Variants in KCTD15 observed in about 807,000 individuals in gnomAD.
KCTD15 encodes BTB/POZ domain-containing protein KCTD15.
A neutral mutation model predicts 27.2 loss-of-function variants in KCTD15; 11 were observed. The ratio of observed to expected loss-of-function variants is 0.41; its 90% CI spans 0.25 to 0.67. KCTD15 has a LOEUF of 0.67. KCTD15 is among the 30% of genes least tolerant of loss of function. The pLI is 0.35. For synonymous variants in KCTD15, 163 were observed against 176.0 expected (o/e 0.93, Z 0.58); for missense variants, 350 against 409.3 (o/e 0.86, Z 1.25).
chr19:33,794,180 G>C (rs375321748), upstream of KCTD15, among the ~76,000 whole-genome samples: 5 of 152,204 alleles, frequency 3.3e-5, no homozygotes, highest in African/African-American at 1.2e-4. Context: ...ATGACACTTA[G>C]TAGCTCTGTA....
intron 1 of KCTD15, chr19:33,797,429 C>A: frequency 2.2e-6 from 1 of 454,176 alleles, no homozygotes; most frequent in South Asian, 1.6e-5. Context: ...CGGCTTGGCG[C>A]CCAAAATCAG....
intron 5 of KCTD15, 93 bp from the exon 6 acceptor site, chr19:33,811,154 T>C: frequency 9.2e-7 from 1 of 1,084,640 alleles, no homozygotes; most frequent in African/African-American, 1.6e-5. Flanking sequence ...TCCTGCAGAA[T>C]TGGTTGGAAC....
intron 5 of KCTD15, among the ~76,000 whole-genome samples, chr19:33,810,007 G>T (rs1043666190): frequency 6.6e-6 from 1 of 152,238 alleles, no homozygotes; most frequent in African/African-American, 2.4e-5. Flanking sequence ...AGAGGTCAGG[G>T]TTAGAATCTA....
rs778731953 is a variant in KCTD15, at chr19:33,811,235, G to T, written c.388-12G>T. 4.1e-6 allele frequency: 6 copies of T among 1,469,918 alleles called. No homozygotes were observed. The African/African-American group carries it at 8.5e-5, about 21-fold the overall frequency. 91.1% of individuals were successfully genotyped at this position (1,469,918 alleles called of 1,614,324 possible). On this transcript the variant is annotated splice_polypyrimidine_tract_variant and intron_variant, in intron 5 of 6. Transcript: ENST00000683859. ...CGACACCCACATCAACACCCTGTGC[G>T]CCTGTCCCCAGGACTTCAGTCTGCT...
chr19:33,800,553 G>C, intron 3 of KCTD15, 33 bp downstream of exon 3: 2 of 1,555,018 alleles, frequency 1.3e-6, no homozygotes, highest in South Asian at 1.2e-5. Context: ...GTCCCTGCCG[G>C]GAGTTCCCTC....
intron 6 of KCTD15, chr19:33,812,410 G>A (rs1975953817): frequency 5.7e-6 from 6 of 1,048,974 alleles, no homozygotes; most frequent in Non-Finnish European, 6.9e-6. Context: ...CATTATTGGG[G>A]CAGGACTCAG....
intron 2 of KCTD15, chr19:33,799,680 T>G (rs1975465106): frequency 6.6e-6 from 1 of 152,606 alleles, no homozygotes; most frequent in Non-Finnish European, 1.5e-5. Flanking sequence ...TGCTCTGTGC[T>G]TCCTCCTGGC....
chr19:33,795,518 G>C (rs541019941), upstream of KCTD15, among the ~76,000 whole-genome samples: 1 of 151,398 alleles, frequency 6.6e-6, no homozygotes, highest in Non-Finnish European at 1.5e-5. Flanking sequence ...GCGCCGTTCC[G>C]GCCCGTGCGC....
chr19:33,807,945 CA>C (rs60779290), intron 5 of KCTD15, among the ~76,000 whole-genome samples: 16,639 of 135,626 alleles, frequency 0.12, 1,230 homozygotes, highest in African/African-American at 0.23. Flanking sequence ...GACTCTGTCT[CA>C]AAAAAAAAAA....
At position 33,815,563 on chromosome 19, in the gene KCTD15, C is replaced by T. The variant is rs1184059581; in HGVS notation, c.*2615C>T. 1 of 152,140 alleles carries T rather than the reference C, an allele frequency of 6.6e-6. No individual in the cohort carries two copies. Among genetic ancestry groups the T allele is most frequent in the Non-Finnish European group, 1.5e-5 (1 of 68,032 alleles). The allele number at this position is 152,140 out of a possible 1,614,324, so 9.4% of individuals were successfully genotyped here. A position where few individuals can be genotyped will look rare whatever the true frequency, so the allele number is the denominator to read the frequency against. On this transcript the variant is annotated 3_prime_UTR_variant, in exon 7 of 7. Transcript: ENST00000683859. ...GAACCATGCCAAAGCTTCCCCGTTT[C>T]CCACCAAACCCCTGCCAGTGAGTGC...
chr19:33,808,663 G>C (rs1292766946), intron 5 of KCTD15, among the ~76,000 whole-genome samples: 1 of 147,264 alleles, frequency 6.8e-6, no homozygotes, highest in Non-Finnish European at 1.5e-5. Flanking sequence ...AGGGCAGTCA[G>C]ATCTGCAAAT....
chr19:33,808,392 C>T (rs767753115), intron 5 of KCTD15, among the ~76,000 whole-genome samples: 2 of 152,072 alleles, frequency 1.3e-5, no homozygotes, highest in Non-Finnish European at 2.9e-5. Context: ...CTGGGCTGGG[C>T]GGGTTTGAAA....
At chr19:33,801,875 G>A (rs1284284990) in intron 4 of KCTD15, 2 of 152,386 alleles carry the variant, frequency 1.3e-5, no homozygotes, top group Non-Finnish European at 2.9e-5. Flanking sequence ...CCACTGCTGG[G>A]CCCTAGAGGC....
upstream of KCTD15, chr19:33,795,854 G>C (rs1201098797): frequency 6.6e-6 from 1 of 152,088 alleles, no homozygotes; most frequent in Non-Finnish European, 1.5e-5. Context: ...AGCCGCGAGC[G>C]GTCGGCCCGG....
chr19:33,811,348 C>T lies in KCTD15; in HGVS notation c.489C>T (p.Ser163=). The T allele has an allele frequency of 6.4e-7, 1 of 1,565,724 alleles. No individual in the cohort carries two copies. Among genetic ancestry groups the T allele is most frequent in the African/African-American group, 1.4e-5 (1 of 73,644 alleles). ...WQQEQEQRRR[S]RACDCLVVRV... is the part of the protein sequence containing the mutation. ...AGGAGCAGGAGCAGCGGCGCCGCAGCCGGGCCTGTGACTGCCTGGTGGTGC... is the reference window on the plus strand; with the variant it reads ...AGGAGCAGGAGCAGCGGCGCCGCAGTCGGGCCTGTGACTGCCTGGTGGTGC... Residue 163 remains serine (S), a synonymous_variant, in exon 6 of 7, where the codon AGC becomes AGT. Coordinates refer to ENST00000683859, the MANE Select transcript of KCTD15 (RefSeq NM_001129994.2).
At chr19:33,795,513 G>A (rs1051105771), upstream of KCTD15, among the ~76,000 whole-genome samples, 1 of 151,604 alleles carries the variant, frequency 6.6e-6, no homozygotes, top group African/African-American at 2.4e-5. Flanking sequence ...CCCAGGCGCC[G>A]TTCCGGCCCG....
chr19:33,808,164 A>G (rs1481460454), intron 5 of KCTD15, among the ~76,000 whole-genome samples: 1 of 152,220 alleles, frequency 6.6e-6, no homozygotes, highest in African/African-American at 2.4e-5. Context: ...GTACACTGGC[A>G]TGTATTAATA....
intron 2 of KCTD15, 80 bp from the exon 3 acceptor site, chr19:33,800,348 A>G: frequency 8.5e-7 from 1 of 1,176,432 alleles, no homozygotes; most frequent in Non-Finnish European, 1.2e-6. Flanking sequence ...TGCAGAAAGG[A>G]CAATTCTAAG....
chr19:33,795,640 CGAG>C (rs944983751), upstream of KCTD15, among the ~76,000 whole-genome samples: 9 of 151,718 alleles, frequency 5.9e-5, no homozygotes, highest in East Asian at 1.9e-4. Context: ...AAATGGTCGC[CGAG>C]GAGGAGGAGG....
Sources: gnomAD v4.1 joint callset for allele counts (sites outside exome capture counted in the v4.1 genomes callset) on GRCh38, gnomAD v4.1.1 for gene constraint, MANE v1.5 for transcripts, NCBI Gene and HGNC (gene_info 2026-07-23, HGNC 2026-07-21) for gene names.